RXFP1: variants seen among roughly 807,000 people sequenced by gnomAD.
RXFP1 encodes relaxin family peptide receptor 1.
A neutral mutation model predicts 89.8 loss-of-function variants in RXFP1; 73 were observed. The ratio of observed to expected loss-of-function variants is 0.81; its 90% confidence interval spans 0.67 to 0.99. The LOEUF (loss-of-function observed/expected upper bound fraction) is 0.99, where lower values mean the gene tolerates loss of function less well. Among genes scored for constraint, RXFP1 ranks in the 50% least tolerant of loss-of-function variants. The pLI, the probability that RXFP1 is intolerant of heterozygous loss-of-function variation, is 0.00. For synonymous variants in RXFP1, 277 were observed against 305.5 expected (o/e 0.91, Z 0.97); for missense variants, 793 against 895.5 (o/e 0.89, Z 1.46).
intron 8 of RXFP1, among the ~76,000 whole-genome samples, chr4:158,613,711 A>G (rs1399879389): frequency 6.6e-6 from 1 of 152,200 alleles, no homozygotes; most frequent in African/African-American, 2.4e-5. Context: ...GTCACCCATG[A>G]GGGTTGGAGT....
At chr4:158,631,344 G>T (rs548522066) in intron 11 of RXFP1, among the ~76,000 whole-genome samples, 2 of 152,322 alleles carry the variant, frequency 1.3e-5, no homozygotes, top group Admixed American at 1.3e-4. Flanking sequence ...AGATGAAGCA[G>T]ATAGACTCAG....
At chr4:158,647,223 G>A (rs1199168190) in intron 16 of RXFP1, 22 bp downstream of exon 16, 4 of 1,521,080 alleles carry the variant, frequency 2.6e-6, no homozygotes, top group Non-Finnish European at 1.8e-6. Context: ...AGAAACTAAT[G>A]TTCACAAATT....
At chr4:158,533,558 T>A (rs1208273769) in intron 1 of RXFP1, among the ~76,000 whole-genome samples, 2 of 152,200 alleles carry the variant, frequency 1.3e-5, no homozygotes, top group Non-Finnish European at 2.9e-5. Flanking sequence ...ATATTTACCC[T>A]TACTCTCAAG....
intron 14 of RXFP1, among the ~76,000 whole-genome samples, chr4:158,644,473 TA>T (rs1771119031): frequency 2.0e-5 from 3 of 152,206 alleles, no homozygotes; most frequent in South Asian, 4.1e-4. Flanking sequence ...ATAACTTCAA[TA>T]ACAAAAAGCC....
At chr4:158,548,456 A>G (rs1178261968) in intron 1 of RXFP1, among the ~76,000 whole-genome samples, 2 of 152,136 alleles carry the variant, frequency 1.3e-5, no homozygotes, top group Non-Finnish European at 2.9e-5. Context: ...TTACATTTAA[A>G]GTTAATATTG....
intron 6 of RXFP1, among the ~76,000 whole-genome samples, chr4:158,611,170 A>T (rs1763506177): frequency 6.6e-6 from 1 of 152,176 alleles, no homozygotes; most frequent in Admixed American, 6.5e-5. Context: ...TCCCCATTTT[A>T]GAGTTGGGGA....
At chr4:158,651,645 G>T in intron 17 of RXFP1, 112 bp from the exon 18 acceptor site, 9 of 754,122 alleles carry the variant, frequency 1.2e-5, no homozygotes, top group Non-Finnish European at 1.8e-5. Context: ...TGACATCAAA[G>T]GAAAAAAATC....
At chr4:158,612,016 G>T in intron 6 of RXFP1, 114 bp from the exon 7 acceptor site, 1 of 754,106 alleles carries the variant, frequency 1.3e-6, no homozygotes, top group Middle Eastern at 4.0e-4. Flanking sequence ...CAGGGAAGTG[G>T]CATGATGAGA....
At chr4:158,615,828 T>C (rs1006658362) in intron 8 of RXFP1, among the ~76,000 whole-genome samples, 4 of 151,984 alleles carry the variant, frequency 2.6e-5, no homozygotes, top group Admixed American at 2.6e-4. Flanking sequence ...GACACATGCC[T>C]GTAGTCCCAG....
At chr4:158,570,963 C>A (rs1754936504) in intron 1 of RXFP1, among the ~76,000 whole-genome samples, 1 of 152,064 alleles carries the variant, frequency 6.6e-6, no homozygotes, top group Admixed American at 6.6e-5. Context: ...CCACCACTTC[C>A]CCACTCCTAC....
At chr4:158,593,049 C>T (rs1437278063) in intron 2 of RXFP1, among the ~76,000 whole-genome samples, 1 of 148,618 alleles carries the variant, frequency 6.7e-6, no homozygotes, top group Admixed American at 6.7e-5. Context: ...GATCGTGCCA[C>T]AGCACTCCAC....
At chr4:158,573,341 C>T (rs1328566896) in intron 2 of RXFP1, among the ~76,000 whole-genome samples, 1 of 152,192 alleles carries the variant, frequency 6.6e-6, no homozygotes, top group African/African-American at 2.4e-5. Flanking sequence ...AATGGTATCA[C>T]AGCCAATATT....
chr4:158,604,356 T>C (rs746998656), intron 4 of RXFP1, among the ~76,000 whole-genome samples: 3 of 152,188 alleles, frequency 2.0e-5, no homozygotes, highest in Non-Finnish European at 4.4e-5. Flanking sequence ...AGAGGTTGTG[T>C]GTGATTCATG....
At chr4:158,528,959 GC>G (rs1743287472) in intron 1 of RXFP1, among the ~76,000 whole-genome samples, 1 of 152,214 alleles carries the variant, frequency 6.6e-6, no homozygotes, top group Non-Finnish European at 1.5e-5. Flanking sequence ...GCCAGAGAGG[GC>G]GGACAGTGGA....
Position 158,648,499 on chromosome 4 carries a change from G to A in RXFP1, c.1757G>A (p.Gly586Asp). The A allele has an allele frequency of 1.3e-6, 2 of 1,550,598 alleles. No individual in the cohort carries two copies. Among genetic ancestry groups the A allele is most frequent in the Non-Finnish European group, 1.8e-6 (2 of 1,131,476 alleles). ...AQIYSVAIFL[G>D]INLAAFIIIV... ...ATAATACTGTTTGTATTCCAAATAG[G>A]TATTAATTTGGCCGCATTTATCATC... Residue 586 changes from glycine (G) to aspartate (D), a missense_variant and splice_region_variant, in exon 17 of 18, where the codon GGT (glycine) becomes GAT (aspartate). Coordinates refer to ENST00000307765, the MANE Select transcript of RXFP1 (RefSeq NM_021634.4).
chr4:158,580,271 C>A (rs560089961), intron 2 of RXFP1, among the ~76,000 whole-genome samples: 1 of 152,246 alleles, frequency 6.6e-6, no homozygotes, highest in African/African-American at 2.4e-5. Flanking sequence ...AGCTCTAGGT[C>A]TGGATTGGTT....
In RXFP1 at chr4:158,645,081, C is replaced by T. The variant is rs200071060; in HGVS notation, c.1288C>T (p.Arg430Ter). 11 of 1,614,126 alleles carry T rather than the reference C, an allele frequency of 6.8e-6. No individual in the cohort carries two copies. The highest frequency in any genetic ancestry group is 2.2e-5 in the South Asian group (2 of 91,074). ...TGGAAACATTTTTGTCATTTGCATGCGACCTTATATCAGGTCTGAGAACAA... is the reference window on the plus strand; with the variant it reads ...TGGAAACATTTTTGTCATTTGCATGTGACCTTATATCAGGTCTGAGAACAA... ...CFGNIFVICM[R>*]PYIRSENKLY... Residue 430 changes from arginine to a stop codon, truncating the protein, a stop_gained, in exon 15 of 18, where the codon CGA becomes TGA. Coordinates refer to ENST00000307765, the MANE Select transcript of RXFP1 (RefSeq NM_021634.4). LOFTEE classifies it high-confidence loss of function.
intron 1 of RXFP1, among the ~76,000 whole-genome samples, chr4:158,544,754 A>G (rs1344316285): frequency 2.0e-5 from 3 of 152,158 alleles, no homozygotes; most frequent in African/African-American, 7.2e-5. Flanking sequence ...AGTTTCATCC[A>G]TGTCCCTAAA....
intron 1 of RXFP1, chr4:158,543,951 C>A: frequency 1.0e-6 from 1 of 985,400 alleles, no homozygotes; most frequent in East Asian, 1.1e-4. Context: ...TCTGAGGATT[C>A]TTGGTGCATA....
Sources: allele counts gnomAD v4.1 joint callset (sites outside exome capture counted in the v4.1 genomes callset), GRCh38; gene constraint gnomAD v4.1.1; transcripts MANE v1.5; gene names NCBI Gene and HGNC (gene_info 2026-07-23, HGNC 2026-07-21).